Variants in MALRD1 observed in about 807,000 individuals in gnomAD.
The protein encoded by MALRD1 is MAM and LDL receptor class A domain containing 1.
MALRD1 carries 247 observed loss-of-function variants against 242.1 expected under a neutral mutation model. The ratio of observed to expected loss-of-function variants is 1.02; its 90% confidence interval spans 0.92 to 1.13. The LOEUF (loss-of-function observed/expected upper bound fraction) is 1.13, where lower values mean the gene tolerates loss of function less well. MALRD1 is among the 50% of genes most tolerant of loss of function. MALRD1 has a pLI of 0.00. For missense variants in MALRD1, 2,989 were observed against 2,533.1 expected, an observed-to-expected ratio of 1.18 and a Z score of -3.86; for synonymous variants, 995 against 866.6, an observed-to-expected ratio of 1.15 and a Z score of -2.60.
At chr10:19,374,627 T>C (rs1264086256) in intron 26 of MALRD1, among the ~76,000 whole-genome samples, 1 of 152,210 alleles carries the variant, frequency 6.6e-6, no homozygotes, top group Non-Finnish European at 1.5e-5. Context: ...CATGCATATA[T>C]ACTGAAGGTT....
At chr10:19,261,334 A>G (rs980854027) in intron 19 of MALRD1, among the ~76,000 whole-genome samples, 8 of 152,154 alleles carry the variant, frequency 5.3e-5, no homozygotes, top group Non-Finnish European at 1.0e-4. Flanking sequence ...GGCATAACAA[A>G]ATAAACTATG....
At chr10:19,538,351 G>A (rs1474082436) in intron 32 of MALRD1, among the ~76,000 whole-genome samples, 5 of 152,154 alleles carry the variant, frequency 3.3e-5, no homozygotes, top group African/African-American at 1.2e-4. Context: ...AGAGAACAAT[G>A]CTAATTTGTA....
chr10:19,096,162 G>A (rs569351664), intron 4 of MALRD1, among the ~76,000 whole-genome samples: 8 of 152,202 alleles, frequency 5.3e-5, no homozygotes, highest in African/African-American at 1.9e-4. Flanking sequence ...TATCTTGTAG[G>A]TCAAACCTTT....
intron 4 of MALRD1, among the ~76,000 whole-genome samples, chr10:19,100,161 C>G (rs60118676): frequency 0.013 from 1,999 of 152,120 alleles, 46 homozygotes; most frequent in African/African-American, 0.046. Context: ...TTAAATCTGT[C>G]TAGCTAGACT....
At chr10:19,498,448 A>T in intron 30 of MALRD1, 37 bp from the exon 31 acceptor site, 1 of 1,522,416 alleles carries the variant, frequency 6.6e-7, no homozygotes, top group Non-Finnish European at 8.9e-7. Flanking sequence ...TGTGATAGAC[A>T]TTTCCAGAAA....
intron 5 of MALRD1, among the ~76,000 whole-genome samples, chr10:19,109,001 T>A (rs1488070029): frequency 6.6e-6 from 1 of 152,188 alleles, no homozygotes; most frequent in African/African-American, 2.4e-5. Flanking sequence ...TTTTAGAGTA[T>A]TGGTTAGATA....
At chr10:19,341,690 T>C (rs1331514836) in intron 24 of MALRD1, among the ~76,000 whole-genome samples, 1 of 151,746 alleles carries the variant, frequency 6.6e-6, no homozygotes, top group East Asian at 1.9e-4. Context: ...AATAGGGTAG[T>C]CATAGAAATT....
intron 13 of MALRD1, among the ~76,000 whole-genome samples, chr10:19,167,070 A>T (rs1188353416): frequency 6.6e-6 from 1 of 152,222 alleles, no homozygotes; most frequent in East Asian, 1.9e-4. Flanking sequence ...CTTGGGTTCA[A>T]GTTAAAGGGT....
At chr10:19,184,501 CA>C (rs1564450610) in intron 14 of MALRD1, among the ~76,000 whole-genome samples, 1 of 152,064 alleles carries the variant, frequency 6.6e-6, no homozygotes, top group Admixed American at 6.6e-5. Context: ...TAGGATAGAT[CA>C]TAAAAAGGGA....
chr10:19,512,209 G>T (rs1833434145), intron 31 of MALRD1, among the ~76,000 whole-genome samples: 1 of 152,030 alleles, frequency 6.6e-6, no homozygotes, highest in African/African-American at 2.4e-5. Context: ...GTAACAAAGG[G>T]CTTTTTTTAC....
intron 38 of MALRD1, among the ~76,000 whole-genome samples, chr10:19,693,541 G>T (rs1432490699): frequency 6.6e-6 from 1 of 152,140 alleles, no homozygotes; most frequent in Non-Finnish European, 1.5e-5. Flanking sequence ...CCTCTTCAAA[G>T]AGAACTACAA....
chr10:19,537,286 G>C (rs567696136), intron 32 of MALRD1, among the ~76,000 whole-genome samples: 1 of 152,236 alleles, frequency 6.6e-6, no homozygotes, highest in Non-Finnish European at 1.5e-5. Flanking sequence ...GGTAGGAGGA[G>C]GCCAAAGTGA....
intron 9 of MALRD1, among the ~76,000 whole-genome samples, chr10:19,135,300 A>C (rs760964244): frequency 2.5e-4 from 38 of 152,110 alleles, no homozygotes; most frequent in Admixed American, 3.9e-4. Flanking sequence ...GACTACAGGC[A>C]TGTGCCACCA....
chr10:19,168,154 G>A (rs974643189), intron 13 of MALRD1, among the ~76,000 whole-genome samples: 5 of 152,128 alleles, frequency 3.3e-5, no homozygotes, highest in Non-Finnish European at 5.9e-5. Context: ...GGTCCCCAAC[G>A]TCCCTTCTCA....
intron 29 of MALRD1, among the ~76,000 whole-genome samples, chr10:19,458,894 A>G (rs28571607): frequency 0.52 from 63,758 of 122,796 alleles, 13,476 homozygotes; most frequent in East Asian, 0.59. Context: ...TAGTTGAGTT[A>G]TATATATATA....
At chr10:19,416,906 C>A (rs150789570) in intron 28 of MALRD1, among the ~76,000 whole-genome samples, 2 of 152,280 alleles carry the variant, frequency 1.3e-5, no homozygotes, top group South Asian at 2.1e-4. Flanking sequence ...CCTAAAACTC[C>A]GTAGAATCTG....
rs574244106 is a variant in MALRD1, at chr10:19,238,470, T to A, written c.2992-19214T>A. Among the ~76,000 whole-genome samples, 55 of 45,854 alleles carry A rather than the reference T, an allele frequency of 1.2e-3. 8 individuals are homozygous for A. The highest frequency in any genetic ancestry group is 5.9e-3 in the African/African-American group (52 of 8,778). 30.1% of individuals were successfully genotyped at this position (45,854 alleles called of 152,430 possible). On this transcript the variant is annotated intron_variant, in intron 18 of 39. Coordinates refer to ENST00000454679, the MANE Select transcript of MALRD1 (RefSeq NM_001142308.3). The stretch of plus-strand genomic sequence containing the variant: ...ACATTATATATAATATATAATATAA[T>A]ATATAATATACATTATATATAATAT...
chr10:19,604,855 C>T (rs1164686065), intron 34 of MALRD1, among the ~76,000 whole-genome samples: 1 of 152,102 alleles, frequency 6.6e-6, no homozygotes, highest in Non-Finnish European at 1.5e-5. Context: ...TTTTATGTGA[C>T]TTGCATTAAT....
At chr10:19,587,188 T>TAGGA (rs1160645627) in intron 33 of MALRD1, among the ~76,000 whole-genome samples, 1 of 152,216 alleles carries the variant, frequency 6.6e-6, no homozygotes, top group African/African-American at 2.4e-5. Context: ...ACCCATCTTC[T>TAGGA]GCGTCACTCA....
Sources: allele counts gnomAD v4.1 joint callset (sites outside exome capture counted in the v4.1 genomes callset), GRCh38; gene constraint gnomAD v4.1.1; transcripts MANE v1.5; gene names NCBI Gene and HGNC (gene_info 2026-07-23, HGNC 2026-07-21).